Variants in PALM2AKAP2 observed in about 807,000 individuals in gnomAD.
The protein encoded by PALM2AKAP2 is PALM2-AKAP2 fusion protein.
PALM2AKAP2 carries 37 observed loss-of-function variants against 71.5 expected under a neutral mutation model. The ratio of observed to expected loss-of-function variants is 0.52; its 90% CI spans 0.40 to 0.68. The LOEUF (loss-of-function observed/expected upper bound fraction) is 0.68. Ranked by LOEUF, PALM2AKAP2 falls within the 30% of genes least tolerant of loss-of-function variation. The pLI is 0.00. For missense variants in PALM2AKAP2, 1,224 were observed against 1,191.8 expected, an observed-to-expected ratio of 1.03 and a Z score of -0.40; for synonymous variants, 468 against 478.8, an observed-to-expected ratio of 0.98 and a Z score of 0.29.
At chr9:109,923,265 C>G (rs1390973609) in intron 3 of PALM2AKAP2, among the ~76,000 whole-genome samples, 1 of 152,182 alleles carries the variant, frequency 6.6e-6, no homozygotes, top group Non-Finnish European at 1.5e-5. Context: ...CACCAGGCTC[C>G]CAAGGGTACT....
At chr9:110,131,142 G>T (rs544604817) in intron 1 of PALM2AKAP2, among the ~76,000 whole-genome samples, 4 of 152,128 alleles carry the variant, frequency 2.6e-5, no homozygotes, top group Non-Finnish European at 4.4e-5. Context: ...GCACACAGCT[G>T]TATTAAATTG....
chr9:109,682,634 G>A (rs1827753585), intron 1 of PALM2AKAP2, among the ~76,000 whole-genome samples: 1 of 152,168 alleles, frequency 6.6e-6, no homozygotes, highest in Non-Finnish European at 1.5e-5. Flanking sequence ...TAGTTTTTAG[G>A]GCACTTGACC....
At chr9:109,684,593 C>A (rs988276014) in intron 1 of PALM2AKAP2, among the ~76,000 whole-genome samples, 1 of 152,150 alleles carries the variant, frequency 6.6e-6, no homozygotes, top group Non-Finnish European at 1.5e-5. Flanking sequence ...TAGTAAAATA[C>A]AATAAAAAGT....
At chr9:110,036,301 G>C (rs1426313599) in intron 7 of PALM2AKAP2, among the ~76,000 whole-genome samples, 3 of 152,032 alleles carry the variant, frequency 2.0e-5, no homozygotes, top group Non-Finnish European at 4.4e-5. Flanking sequence ...TTTTGAACCC[G>C]TTAATAAGAA....
chr9:110,043,886 T>G (rs891668787), upstream of PALM2AKAP2, among the ~76,000 whole-genome samples: 7 of 151,950 alleles, frequency 4.6e-5, no homozygotes, highest in African/African-American at 1.4e-4. Context: ...ACCCCGCTCA[T>G]TTTTTAATTT....
chr9:110,106,300 T>G (rs1390566906), intron 1 of PALM2AKAP2, among the ~76,000 whole-genome samples: 2 of 152,198 alleles, frequency 1.3e-5, no homozygotes, highest in African/African-American at 2.4e-5. Flanking sequence ...GAGAGCTGAC[T>G]ATGCAGGAGA....
At chr9:109,647,834 A>G (rs961305588) in intron 1 of PALM2AKAP2, among the ~76,000 whole-genome samples, 3 of 152,220 alleles carry the variant, frequency 2.0e-5, no homozygotes, top group African/African-American at 7.2e-5. Flanking sequence ...TGATTGTTTT[A>G]CAGTTCATCA....
intron 7 of PALM2AKAP2, among the ~76,000 whole-genome samples, chr9:110,041,775 T>C (rs1833515438): frequency 6.6e-6 from 1 of 152,222 alleles, no homozygotes; most frequent in South Asian, 2.1e-4. Context: ...TGTCCTTTCT[T>C]CAAGTAAGGG....
intron 1 of PALM2AKAP2, among the ~76,000 whole-genome samples, chr9:109,862,174 A>T (rs57560669): frequency 0.013 from 2,014 of 152,274 alleles, 43 homozygotes; most frequent in African/African-American, 0.047. Flanking sequence ...GGAGTGATGC[A>T]ATCTATTTGG....
At chr9:109,944,658 T>G (rs960341991) in intron 6 of PALM2AKAP2, 1 of 152,180 alleles carries the variant, frequency 6.6e-6, no homozygotes, top group African/African-American at 2.4e-5. Flanking sequence ...AAGTGGCACA[T>G]AGCTGAGCTT....
chr9:109,911,674 A>G lies in PALM2AKAP2; in HGVS notation c.258-12061A>G, dbSNP rs972896756. On this transcript the variant is annotated intron_variant, in intron 3 of 9. Coordinates refer to the PALM2AKAP2 transcript ENST00000302798. ...CAAGATTTTAAAAATTACATTTACT[A>G]TCACCATCTCCAAGTTACATTCACT... Among the ~76,000 whole-genome samples, 94 of 152,360 alleles carry G rather than the reference A, an allele frequency of 6.2e-4. 1 individual carries two copies. The highest frequency in any genetic ancestry group is 3.3e-4 in the Admixed American group (5 of 15,310).
intron 6 of PALM2AKAP2, chr9:109,943,458 C>G: frequency 6.4e-7 from 1 of 1,568,040 alleles, no homozygotes; most frequent in Middle Eastern, 1.7e-4. Context: ...TCTGGGCAGC[C>G]TGTACTCTCC....
intron 7 of PALM2AKAP2, among the ~76,000 whole-genome samples, chr9:110,023,632 A>G (rs1222971552): frequency 5.3e-5 from 8 of 151,682 alleles, no homozygotes; most frequent in Non-Finnish European, 1.0e-4. Context: ...ACTTTCTAAC[A>G]AGCATTGCTT....
intron 1 of PALM2AKAP2, among the ~76,000 whole-genome samples, chr9:109,646,176 G>A (rs533462861): frequency 6.6e-6 from 1 of 152,318 alleles, no homozygotes; most frequent in Admixed American, 6.5e-5. Flanking sequence ...TACCATGTCA[G>A]TGTTCTTGTG....
chr9:110,157,655 C>T (rs1487150079), intron 3 of PALM2AKAP2, among the ~76,000 whole-genome samples: 1 of 152,146 alleles, frequency 6.6e-6, no homozygotes, highest in Non-Finnish European at 1.5e-5. Context: ...CCACCCCAGC[C>T]TCCTAAAGTG....
At chr9:110,046,464 C>CTTTTT (rs10601764), upstream of PALM2AKAP2, among the ~76,000 whole-genome samples, 4 of 104,676 alleles carry the variant, frequency 3.8e-5, no homozygotes, top group Admixed American at 1.0e-4. Flanking sequence ...GATTGCTTTA[C>CTTTTT]TTTTTTTTTT....
intron 4 of PALM2AKAP2, among the ~76,000 whole-genome samples, chr9:109,924,822 T>C (rs1830915412): frequency 6.6e-6 from 1 of 152,200 alleles, no homozygotes; most frequent in Non-Finnish European, 1.5e-5. Context: ...TGACCAAGGA[T>C]ATTTGCTAGA....
chr9:109,789,788 T>C (rs111269229), intron 1 of PALM2AKAP2, among the ~76,000 whole-genome samples: 10,913 of 152,230 alleles, frequency 0.072, 545 homozygotes, highest in South Asian at 0.11. Context: ...GAGGGTGGTG[T>C]GGGGCAGTGC....
rs1833384478 is a variant in PALM2AKAP2, at chr9:110,035,620, CATATATAGGATAT to C, written c.582+19582_582+19594del. 2.6e-5 allele frequency among the ~76,000 whole-genome samples: 3 copies of C among 117,126 alleles called. No individual in the cohort carries two copies. In the South Asian group the frequency reaches 8.2e-4, roughly 32 times the overall value. 76.8% of individuals were successfully genotyped at this position (117,126 alleles called of 152,430 possible). ...AGGATATGTTGTGTGTTATATATAA[CATATATAGGATAT>C]GTTGTGTGTTATATATAACATATAT... On this transcript the variant is annotated intron_variant, in intron 7 of 9. Transcript: ENST00000302798.
Sources: allele counts gnomAD v4.1 joint callset (sites outside exome capture counted in the v4.1 genomes callset), GRCh38; gene constraint gnomAD v4.1.1; transcripts MANE v1.5; gene names NCBI Gene and HGNC (gene_info 2026-07-23, HGNC 2026-07-21).